The following CD226 variants were observed in gnomAD, a reference collection of about 807,000 sequenced individuals.
CD226 encodes the protein CD226 antigen.
CD226 carries 24 observed loss-of-function variants against 34.9 expected under a neutral mutation model. That is an observed-to-expected ratio of 0.69 (90% CI 0.50 to 0.97). The LOEUF is 0.97. Ranked by LOEUF, CD226 falls within the 50% of genes least tolerant of loss-of-function variation. CD226 has a pLI of 0.00. For synonymous variants in CD226, 148 were observed against 147.4 expected, an observed-to-expected ratio of 1.00 and a Z score of -0.03; for missense variants, 397 against 412.7, an observed-to-expected ratio of 0.96 and a Z score of 0.33.
intron 2 of CD226, among the ~76,000 whole-genome samples, chr18:69,902,280 C>T (rs1195280507): frequency 1.3e-5 from 2 of 152,082 alleles, no homozygotes; most frequent in African/African-American, 4.8e-5. Context: ...CCATCCAGTC[C>T]TTGTTTCTTC....
At chr18:69,890,248 G>T (rs1446459446) in intron 3 of CD226, among the ~76,000 whole-genome samples, 1 of 152,196 alleles carries the variant, frequency 6.6e-6, no homozygotes, top group African/African-American at 2.4e-5. Flanking sequence ...ACTTTAAGCA[G>T]ATGCCATAAT....
At position 69,853,865 on chromosome 18, in the gene CD226, A is replaced by G. The variant is rs1371144478; in HGVS notation, c.*10449T>C. ...TACTCATCTTCAGTTTGATGTCTAT[A>G]CTTCATTTCATATTTATTTAAAAAA... is the stretch of plus-strand genomic sequence containing the variant. On this transcript the variant is annotated 3_prime_UTR_variant, in exon 6 of 6. Coordinates refer to ENST00000582621, the MANE Select transcript of CD226 (RefSeq NM_001303618.2). 6.6e-6 allele frequency: 1 copy of G among 152,266 alleles called. No homozygotes were observed. Among genetic ancestry groups the G allele is most frequent in the East Asian group, 1.9e-4 (1 of 5,178 alleles). 9.4% of individuals were successfully genotyped at this position (152,266 alleles called of 1,614,324 possible). A position where few individuals can be genotyped will look rare whatever the true frequency, so the allele number is the denominator to read the frequency against.
intron 3 of CD226, among the ~76,000 whole-genome samples, chr18:69,878,130 A>C (rs1405250567): frequency 6.6e-6 from 1 of 152,216 alleles, no homozygotes; most frequent in Admixed American, 6.5e-5. Flanking sequence ...CAGATTGAGT[A>C]ATGTCAGCCC....
chr18:69,914,229 C>T (rs558689109), intron 2 of CD226, among the ~76,000 whole-genome samples: 2 of 152,298 alleles, frequency 1.3e-5, no homozygotes, highest in East Asian at 1.9e-4. Context: ...TACTCTACGA[C>T]CTTGACATTT....
chr18:69,922,322 C>CCCAGCCT (rs2055461898), intron 2 of CD226, among the ~76,000 whole-genome samples: 1 of 152,160 alleles, frequency 6.6e-6, no homozygotes, highest in African/African-American at 2.4e-5. Flanking sequence ...CACTCTGGCA[C>CCCAGCCT]CCAGCCTGGA....
At chr18:69,947,142 A>G in intron 1 of CD226, 73 bp from the exon 2 acceptor site, 1 of 1,276,238 alleles carries the variant, frequency 7.8e-7, no homozygotes, top group Non-Finnish European at 1.1e-6. Context: ...TAAGCTTTTG[A>G]AGACCTAGTG....
chr18:69,927,569 C>A (rs2055538532), intron 2 of CD226, among the ~76,000 whole-genome samples: 1 of 152,118 alleles, frequency 6.6e-6, no homozygotes, highest in African/African-American at 2.4e-5. Flanking sequence ...AACTACCATT[C>A]CACTTTCTGA....
chr18:69,880,581 G>C (rs1984189966), intron 3 of CD226, among the ~76,000 whole-genome samples: 1 of 152,046 alleles, frequency 6.6e-6, no homozygotes, highest in African/African-American at 2.4e-5. Context: ...AGAATGGGGA[G>C]GGAGATAATG....
At position 69,895,991 on chromosome 18, in the gene CD226, T is replaced by C. The variant is rs753412573; in HGVS notation, c.437A>G (p.Lys146Arg). Residue 146 changes from lysine to arginine, a missense_variant, in exon 3 of 6, where the codon AAG (lysine) becomes AGG (arginine). By Grantham distance (26) the Lys-to-Arg change is conservative (BLOSUM62 2). Transcript: ENST00000582621. Reference protein sequence around the residue: ...SNSHIVSEPGKNVTLTCQPQM... With the variant: ...SNSHIVSEPGRNVTLTCQPQM... ...AGGCTGACAAGTGAGTGTGACATTC[T>C]TTCCAGGTTCCGAAACAATGTGGCT... 30 of 1,613,652 alleles carry C rather than the reference T, an allele frequency of 1.9e-5. No individual in the cohort carries two copies. In the East Asian group the frequency reaches 6.2e-4, roughly 34 times the overall value.
At chr18:69,903,252 T>A (rs2055210000) in intron 2 of CD226, among the ~76,000 whole-genome samples, 1 of 152,136 alleles carries the variant, frequency 6.6e-6, no homozygotes, top group Non-Finnish European at 1.5e-5. Context: ...ACAGTCGTGG[T>A]GGACACTGAA....
At chr18:69,951,275 G>A (rs73466712), upstream of CD226, among the ~76,000 whole-genome samples, 1,024 of 152,142 alleles carry the variant, frequency 6.7e-3, 3 homozygotes, top group Middle Eastern at 0.01. Context: ...ACCATGCCCA[G>A]CCTGAAAACT....
chr18:69,858,661 C>T lies in CD226; in HGVS notation c.*5653G>A, dbSNP rs1365218480. 1 of 150,234 alleles carries T rather than the reference C, an allele frequency of 6.7e-6. No individual in the cohort carries two copies. Among genetic ancestry groups the T allele is most frequent in the Non-Finnish European group, 1.5e-5 (1 of 67,778 alleles). 9.3% of individuals were successfully genotyped at this position (150,234 alleles called of 1,614,324 possible). On this transcript the variant is annotated 3_prime_UTR_variant, in exon 6 of 6. Transcript: ENST00000582621. ...TTGCCACATGTTGTGTTTTGCAAGCCTACTCCATCGGGTGTCCTGGGAATT... is the reference window on the plus strand; with the variant it reads ...TTGCCACATGTTGTGTTTTGCAAGCTTACTCCATCGGGTGTCCTGGGAATT...
rs1418038680 is a variant in CD226, at chr18:69,859,806, C to T, written c.*4508G>A. 6.6e-6 allele frequency: 1 copy of T among 152,170 alleles called. No homozygotes were observed. Among genetic ancestry groups the T allele is most frequent in the Non-Finnish European group, 1.5e-5 (1 of 68,046 alleles). The allele number at this position is 152,170 out of a possible 1,614,324, so 9.4% of individuals were successfully genotyped here. A position where few individuals can be genotyped will look rare whatever the true frequency, so the allele number is the denominator to read the frequency against. ...CAAAGAACAAGGCCAGGAGTGGTCG[C>T]TCATGCCTGTAATCCCAGCAATTTA... On this transcript the variant is annotated 3_prime_UTR_variant, in exon 6 of 6. Coordinates refer to ENST00000582621, the MANE Select transcript of CD226 (RefSeq NM_001303618.2).
chr18:69,925,088 T>C (rs1014130154), intron 2 of CD226, among the ~76,000 whole-genome samples: 6 of 152,296 alleles, frequency 3.9e-5, no homozygotes, highest in African/African-American at 1.4e-4. Context: ...ACAAAAATCC[T>C]CCACTCAGCT....
At chr18:69,922,190 A>T (rs575719047) in intron 2 of CD226, among the ~76,000 whole-genome samples, 52 of 152,368 alleles carry the variant, frequency 3.4e-4, no homozygotes, top group African/African-American at 1.1e-3. Context: ...ATAAATATTT[A>T]AAAAATATTA....
intron 3 of CD226, among the ~76,000 whole-genome samples, chr18:69,878,152 T>C (rs1159435667): frequency 6.6e-6 from 1 of 152,248 alleles, no homozygotes; most frequent in Non-Finnish European, 1.5e-5. Context: ...GAAGCCCTTT[T>C]CTTTAAAAAG....
intron 2 of CD226, among the ~76,000 whole-genome samples, chr18:69,908,988 C>T (rs554190526): frequency 6.6e-6 from 1 of 152,210 alleles, no homozygotes; most frequent in African/African-American, 2.4e-5. Context: ...CCTGTGATAT[C>T]ACTTATTCTG....
At position 69,934,279 on chromosome 18, in the gene CD226, T is replaced by TACATACACAC. The variant is rs1555684029; in HGVS notation, c.382+12454_382+12455insGTGTGTATGT. Reference sequence around the variant, plus strand: ...GAAATGATCCTGTCCACACAGAGGATACACACACACACACACACACACACA... The same window carrying TACATACACAC: ...GAAATGATCCTGTCCACACAGAGGATACATACACACACACACACACACACACACACACACA... On this transcript the variant is annotated intron_variant, in intron 2 of 5. Coordinates refer to ENST00000582621, the MANE Select transcript of CD226 (RefSeq NM_001303618.2). Among the ~76,000 whole-genome samples the TACATACACAC allele has an allele frequency of 2.3e-3, 166 of 73,212 alleles. 1 individual carries two copies. The highest frequency in any genetic ancestry group is 4.2e-3 in the African/African-American group (157 of 37,430). 48.0% of individuals were successfully genotyped at this position (73,212 alleles called of 152,430 possible). A position where few individuals can be genotyped will look rare whatever the true frequency, so the allele number is the denominator to read the frequency against.
intron 4 of CD226, among the ~76,000 whole-genome samples, chr18:69,871,927 AAG>A (rs1983548106): frequency 6.6e-6 from 1 of 152,168 alleles, no homozygotes; most frequent in Admixed American, 6.5e-5. Flanking sequence ...GGGTTAGAGA[AAG>A]AGGCTACAGC....
Sources: allele counts gnomAD v4.1 joint callset (sites outside exome capture counted in the v4.1 genomes callset), GRCh38; gene constraint gnomAD v4.1.1; transcripts MANE v1.5; gene names NCBI Gene and HGNC (gene_info 2026-07-23, HGNC 2026-07-21).